PLA2G4A: variants seen among roughly 807,000 people sequenced by gnomAD.
PLA2G4A encodes the protein phospholipase A2 group IVA.
Under a neutral mutation model 81.9 loss-of-function variants are expected in PLA2G4A, and 40 were observed. That is an observed-to-expected ratio of 0.49 (90% CI 0.38 to 0.64). The LOEUF (loss-of-function observed/expected upper bound fraction) is 0.64, where lower values mean the gene tolerates loss of function less well. Ranked by LOEUF, PLA2G4A falls within the 30% of genes least tolerant of loss-of-function variation. The pLI is 0.00. For synonymous variants in PLA2G4A, 302 were observed against 296.9 expected (o/e 1.02, Z -0.18); for missense variants, 715 against 905.1 (o/e 0.79, Z 2.69).
At chr1:186,982,174 G>T (rs1399659381) in intron 17 of PLA2G4A, among the ~76,000 whole-genome samples, 2 of 152,202 alleles carry the variant, frequency 1.3e-5, no homozygotes, top group African/African-American at 4.8e-5. Flanking sequence ...AAAAGCATTA[G>T]CCATAAAGGG....
intron 1 of PLA2G4A, 48 bp downstream of exon 1, chr1:186,829,083 C>G (rs913749578): frequency 3.3e-5 from 5 of 152,230 alleles, no homozygotes; most frequent in Admixed American, 1.3e-4. Context: ...CTCTGCTCCA[C>G]TTCTCTCTCC....
At chr1:186,847,682 A>G (rs750646564) in intron 1 of PLA2G4A, among the ~76,000 whole-genome samples, 3 of 152,112 alleles carry the variant, frequency 2.0e-5, no homozygotes, top group Non-Finnish European at 4.4e-5. Context: ...AATAGTAGAG[A>G]TGTGGGAAGA....
At chr1:186,903,153 G>A (rs1212295783) in intron 5 of PLA2G4A, among the ~76,000 whole-genome samples, 1 of 151,840 alleles carries the variant, frequency 6.6e-6, no homozygotes, top group Non-Finnish European at 1.5e-5. Context: ...AGTAAATATG[G>A]ATAAAGCAGA....
At chr1:186,841,755 G>A (rs137916819) in intron 1 of PLA2G4A, among the ~76,000 whole-genome samples, 2 of 152,182 alleles carry the variant, frequency 1.3e-5, no homozygotes, top group African/African-American at 4.8e-5. Flanking sequence ...CACTGGCTTG[G>A]GAGTGAGGAG....
At chr1:186,962,220 T>C (rs1004876282) in intron 14 of PLA2G4A, among the ~76,000 whole-genome samples, 2 of 152,274 alleles carry the variant, frequency 1.3e-5, no homozygotes, top group South Asian at 4.1e-4. Context: ...AATCTCTTAC[T>C]GTGCCTAATT....
intron 2 of PLA2G4A, among the ~76,000 whole-genome samples, chr1:186,866,927 T>C (rs1364093158): frequency 6.6e-6 from 1 of 152,194 alleles, no homozygotes; most frequent in Non-Finnish European, 1.5e-5. Context: ...GTCCAGTTGT[T>C]CCAGCAACAT....
At chr1:186,976,451 A>C (rs1440099444) in intron 15 of PLA2G4A, among the ~76,000 whole-genome samples, 3 of 152,020 alleles carry the variant, frequency 2.0e-5, no homozygotes, top group African/African-American at 7.3e-5. Flanking sequence ...ATAGCACTTA[A>C]TATGTAGTAA....
At chr1:186,929,542 ATTC>A (rs1655664896) in intron 7 of PLA2G4A, among the ~76,000 whole-genome samples, 2 of 152,192 alleles carry the variant, frequency 1.3e-5, no homozygotes, top group Admixed American at 6.5e-5. Context: ...CAAGATCAAT[ATTC>A]TTATATATAA....
At chr1:186,842,165 C>T (rs1304273646) in intron 1 of PLA2G4A, among the ~76,000 whole-genome samples, 1 of 151,766 alleles carries the variant, frequency 6.6e-6, no homozygotes, top group Non-Finnish European at 1.5e-5. Context: ...GCCTCAGCCT[C>T]CTGAATAGCT....
intron 1 of PLA2G4A, among the ~76,000 whole-genome samples, chr1:186,838,373 A>G (rs1185006593): frequency 6.6e-6 from 1 of 152,232 alleles, no homozygotes; most frequent in Non-Finnish European, 1.5e-5. Context: ...AAAATAAAAA[A>G]CAACCCAAAC....
At chr1:186,835,557 T>C (rs1200375419) in intron 1 of PLA2G4A, among the ~76,000 whole-genome samples, 1 of 152,192 alleles carries the variant, frequency 6.6e-6, no homozygotes, top group Non-Finnish European at 1.5e-5. Flanking sequence ...CATTAGCCAC[T>C]GTTGTGTCTA....
intron 1 of PLA2G4A, among the ~76,000 whole-genome samples, chr1:186,829,359 G>A (rs1651468815): frequency 6.6e-6 from 1 of 152,174 alleles, no homozygotes; most frequent in South Asian, 2.1e-4. Flanking sequence ...AGCGTTCCAC[G>A]TGATGACACC....
chr1:186,939,357 A>G, intron 9 of PLA2G4A, 127 bp downstream of exon 9: 1 of 477,298 alleles, frequency 2.1e-6, no homozygotes, highest in Non-Finnish European at 3.6e-6. Context: ...TATTTGTCCA[A>G]CTATGCGTAC....
At chr1:186,878,611 T>C (rs747670063) in intron 3 of PLA2G4A, among the ~76,000 whole-genome samples, 1 of 151,856 alleles carries the variant, frequency 6.6e-6, no homozygotes, top group Non-Finnish European at 1.5e-5. Context: ...AAATATAATG[T>C]GTTAGTAAGG....
At chr1:186,973,323 T>C (rs2102289203) in intron 15 of PLA2G4A, among the ~76,000 whole-genome samples, 1 of 152,300 alleles carries the variant, frequency 6.6e-6, no homozygotes, top group South Asian at 2.1e-4. Flanking sequence ...GCCTTCATTT[T>C]TGTATGGCCT....
At chr1:186,932,485 G>C (rs943932920) in intron 7 of PLA2G4A, among the ~76,000 whole-genome samples, 25 of 151,900 alleles carry the variant, frequency 1.6e-4, no homozygotes, top group African/African-American at 5.1e-4. Context: ...GTTTTTTGTA[G>C]AGATGGGGTT....
chr1:186,853,173 A>G (rs138923786), intron 1 of PLA2G4A, among the ~76,000 whole-genome samples: 2 of 152,044 alleles, frequency 1.3e-5, no homozygotes, highest in African/African-American at 4.8e-5. Flanking sequence ...TACCATTCAT[A>G]TAATATTGCT....
In PLA2G4A at chr1:186,947,274, A is replaced by G. The variant is rs12720626; in HGVS notation, c.1264+313A>G. Among the ~76,000 whole-genome samples the G allele has an allele frequency of 7.8e-3, 1,187 of 152,218 alleles. 11 individuals are homozygous for G. The highest frequency in any genetic ancestry group is 0.011 in the Non-Finnish European group (774 of 67,986). On this transcript the variant is annotated intron_variant, in intron 12 of 17. Transcript: ENST00000367466. ...GTATTAGAAAGTCCTCTTTTTATCAAATAAGAATAGCTTTTTAAAGATTAG... is the reference window on the plus strand; with the variant it reads ...GTATTAGAAAGTCCTCTTTTTATCAGATAAGAATAGCTTTTTAAAGATTAG...
intron 17 of PLA2G4A, among the ~76,000 whole-genome samples, chr1:186,983,383 T>C (rs1333496215): frequency 6.6e-6 from 1 of 152,238 alleles, no homozygotes; most frequent in Admixed American, 6.5e-5. Flanking sequence ...ACTTTGCAAC[T>C]GTGACCACTG....
Sources: allele counts gnomAD v4.1 joint callset (sites outside exome capture counted in the v4.1 genomes callset), GRCh38; gene constraint gnomAD v4.1.1; transcripts MANE v1.5; gene names NCBI Gene and HGNC (gene_info 2026-07-23, HGNC 2026-07-21).